Variants in MATN2 observed in about 807,000 individuals in gnomAD.
MATN2 encodes the protein matrilin-2.
MATN2 carries 69 observed loss-of-function variants against 103.2 expected under a neutral mutation model. That is an observed-to-expected ratio of 0.67 (90% confidence interval 0.55 to 0.82). The LOEUF (loss-of-function observed/expected upper bound fraction) is 0.82. Among genes scored for constraint, MATN2 ranks in the 40% least tolerant of loss-of-function variants. The pLI, the probability that MATN2 is intolerant of heterozygous loss-of-function variation, is 0.00. For synonymous variants in MATN2, 429 were observed against 450.2 expected, an observed-to-expected ratio of 0.95 and a Z score of 0.60; for missense variants, 1,023 against 1,211.5, an observed-to-expected ratio of 0.84 and a Z score of 2.31.
intron 2 of MATN2, among the ~76,000 whole-genome samples, chr8:97,918,051 C>G (rs942770292): frequency 1.5e-4 from 23 of 152,218 alleles, no homozygotes; most frequent in African/African-American, 5.5e-4. Flanking sequence ...CACCACTGCA[C>G]TCTAGCCTGG....
intron 2 of MATN2, among the ~76,000 whole-genome samples, chr8:97,926,908 A>T (rs180778526): frequency 1.3e-5 from 2 of 152,340 alleles, no homozygotes; most frequent in Admixed American, 1.3e-4. Context: ...TACAAAGATA[A>T]ATGAGACTAG....
At chr8:97,924,197 T>C (rs776325235) in intron 2 of MATN2, among the ~76,000 whole-genome samples, 7 of 152,166 alleles carry the variant, frequency 4.6e-5, no homozygotes, top group Admixed American at 1.3e-4. Flanking sequence ...GCCCCCCATA[T>C]CTGTGTAGCT....
rs528787942 is a variant in MATN2 at position 97,946,783 on chromosome 8, G to A, written c.835+4884G>A. Reference sequence around the variant, plus strand: ...TCTTCTCTCAAGAACGATACCAAATGCATTTTACTGCTTTCATTCTTTGGA... The same window carrying A: ...TCTTCTCTCAAGAACGATACCAAATACATTTTACTGCTTTCATTCTTTGGA... On this transcript the variant is annotated intron_variant, in intron 4 of 18. Coordinates refer to ENST00000254898, the MANE Select transcript of MATN2 (RefSeq NM_002380.5). Among the ~76,000 whole-genome samples, 26 of 152,142 alleles carry A rather than the reference G, an allele frequency of 1.7e-4. No homozygotes were observed. The East Asian group carries it at 4.8e-3, about 28-fold the overall frequency.
intron 14 of MATN2, among the ~76,000 whole-genome samples, chr8:98,029,979 TTG>T (rs917510197): frequency 6.6e-5 from 10 of 152,142 alleles, no homozygotes; most frequent in African/African-American, 2.4e-4. Flanking sequence ...CCTCACAAAG[TTG>T]TGTCATCTTA....
At chr8:97,894,750 A>C (rs1289303451) in intron 2 of MATN2, among the ~76,000 whole-genome samples, 1 of 152,198 alleles carries the variant, frequency 6.6e-6, no homozygotes. Flanking sequence ...AATACGTTTC[A>C]TATAATGAGC....
In MATN2 at chr8:97,894,885, T is replaced by C. The variant is rs536682086; in HGVS notation, c.142+6643T>C. ...TTGATATTTATTAACCCCCCCTTTT[T>C]TTTTTGAGACAGAGTCTTGCTCTGT... is the stretch of plus-strand genomic sequence containing the variant. On this transcript the variant is annotated intron_variant, in intron 2 of 18. Transcript: ENST00000254898. 7.1e-4 allele frequency among the ~76,000 whole-genome samples: 108 copies of C among 151,960 alleles called. No individual in the cohort carries two copies. In the South Asian group the frequency reaches 0.021, roughly 30 times the overall value.
At chr8:97,901,977 T>C (rs1317380186) in intron 2 of MATN2, among the ~76,000 whole-genome samples, 1 of 152,188 alleles carries the variant, frequency 6.6e-6, no homozygotes, top group Admixed American at 6.5e-5. Context: ...TCTGTTGTTA[T>C]AAATTATAGC....
chr8:97,999,828 C>G (rs569046494), intron 7 of MATN2, among the ~76,000 whole-genome samples: 6 of 151,622 alleles, frequency 4.0e-5, no homozygotes, highest in African/African-American at 1.5e-4. Flanking sequence ...CAAGCTCCAG[C>G]CACCAGTCAC....
chr8:98,018,049 T>G lies in MATN2; in HGVS notation c.1752T>G (p.Ser584Arg). The change falls in exon 12 of 19, where the codon AGT becomes AGG. Residue 584 changes from serine (S) to arginine (R), a missense_variant. Coordinates refer to ENST00000254898, the MANE Select transcript of MATN2 (RefSeq NM_002380.5). ...DHGCEHICVN[S>R]DDSYTCECLE... ...GCTGTGAACACATTTGTGTGAACAG[T>G]GATGACTCATACACGTGCGAGTGCT... is the stretch of plus-strand genomic sequence containing the variant. 1 of 1,613,904 alleles carries G rather than the reference T, an allele frequency of 6.2e-7. No individual in the cohort carries two copies. Among genetic ancestry groups the G allele is most frequent in the Non-Finnish European group, 8.5e-7 (1 of 1,179,808 alleles).
In MATN2 at chr8:98,010,293, G is replaced by A. The variant is rs56141901; in HGVS notation, c.1573+2692G>A. 4.5e-3 allele frequency among the ~76,000 whole-genome samples: 686 copies of A among 152,218 alleles called. 2 individuals carry two copies. Among genetic ancestry groups the A allele is most frequent in the Non-Finnish European group, 7.7e-3 (527 of 68,020 alleles). ...CCCCAGGCTCTGCTGGGGCCTCTCT[G>A]CAGAGCTCTCCTGCCCAGCCTCACC... On this transcript the variant is annotated intron_variant, in intron 10 of 18. Coordinates refer to ENST00000254898, the MANE Select transcript of MATN2 (RefSeq NM_002380.5).
At chr8:97,983,244 A>C (rs896243007) in intron 6 of MATN2, among the ~76,000 whole-genome samples, 1 of 152,248 alleles carries the variant, frequency 6.6e-6, no homozygotes, top group East Asian at 1.9e-4. Context: ...CATAATATTC[A>C]ATTATATGTA....
At chr8:98,027,001 CTCTT>C (rs1293426853) in intron 13 of MATN2, among the ~76,000 whole-genome samples, 1 of 152,206 alleles carries the variant, frequency 6.6e-6, no homozygotes, top group South Asian at 2.1e-4. Flanking sequence ...CTGAAGAAAT[CTCTT>C]TCTCCATTGA....
At chr8:98,025,210 A>G (rs1563733291) in intron 13 of MATN2, 2 of 152,190 alleles carry the variant, frequency 1.3e-5, no homozygotes, top group Admixed American at 1.3e-4. Context: ...AGGTTGAGTG[A>G]TGAGGAAAAG....
chr8:97,887,312 C>T (rs1308566067), intron 1 of MATN2, among the ~76,000 whole-genome samples: 1 of 152,110 alleles, frequency 6.6e-6, no homozygotes, highest in African/African-American at 2.4e-5. Flanking sequence ...CCTCCTAAAG[C>T]ACTAGGATTG....
At position 98,003,722 on chromosome 8, in the gene MATN2, G is replaced by C; in HGVS notation, c.1266G>C (p.Glu422Asp). Residue 422 changes from glutamate to aspartate, a missense_variant, in exon 8 of 19, where the codon GAG (glutamate) becomes GAC (aspartate). Coordinates refer to ENST00000254898, the MANE Select transcript of MATN2 (RefSeq NM_002380.5). ...AGCATGAGTGCGTCAACATGGAGGA[G>C]AGCTACTACTGCCGCTGCCACCGTG... ...GCEHECVNME[E>D]SYYCRCHRGY... The C allele has an allele frequency of 1.2e-6, 2 of 1,613,602 alleles. No homozygotes were observed. Among genetic ancestry groups the C allele is most frequent in the Non-Finnish European group, 1.7e-6 (2 of 1,179,756 alleles).
intron 2 of MATN2, among the ~76,000 whole-genome samples, chr8:97,898,129 C>T (rs759932765): frequency 3.3e-5 from 5 of 152,190 alleles, no homozygotes; most frequent in South Asian, 2.1e-4. Flanking sequence ...TTTGCACCTG[C>T]AACTCATGTG....
intron 4 of MATN2, among the ~76,000 whole-genome samples, chr8:97,949,912 A>C (rs1402616295): frequency 6.6e-6 from 1 of 152,224 alleles, no homozygotes; most frequent in Non-Finnish European, 1.5e-5. Context: ...AAAAAACCAG[A>C]ACATACCATG....
intron 7 of MATN2, among the ~76,000 whole-genome samples, chr8:98,002,167 G>T (rs1563718861): frequency 6.6e-6 from 1 of 152,142 alleles, no homozygotes. Flanking sequence ...TATGGCTTTA[G>T]CATTTTCTAC....
chr8:97,999,717 C>A (rs1462454543), intron 7 of MATN2, among the ~76,000 whole-genome samples: 1 of 152,156 alleles, frequency 6.6e-6, no homozygotes, highest in African/African-American at 2.4e-5. Context: ...GTCAGTGACA[C>A]AGCAAGGTGA....
Sources: gnomAD v4.1 joint callset for allele counts (sites outside exome capture counted in the v4.1 genomes callset) on GRCh38, gnomAD v4.1.1 for gene constraint, MANE v1.5 for transcripts, NCBI Gene and HGNC (gene_info 2026-07-23, HGNC 2026-07-21) for gene names.